Variants in OVOL2 observed in about 807,000 individuals in gnomAD.
The protein encoded by OVOL2 is transcription factor Ovo-like 2.
Under a neutral mutation model 18.1 loss-of-function variants are expected in OVOL2, and 13 were observed. The observed-to-expected ratio is 0.72, with a 90% confidence interval of 0.47 to 1.14. The LOEUF is 1.14. Among genes scored for constraint, OVOL2 ranks in the 50% most tolerant of loss-of-function variants. The pLI, the probability that OVOL2 is intolerant of heterozygous loss-of-function variation, is 0.00. For missense variants in OVOL2, 335 were observed against 383.0 expected (o/e 0.87, Z 1.05); for synonymous variants, 166 against 162.7 (o/e 1.02, Z -0.16).
chr20:18,049,375 T>C (rs982274674), intron 2 of OVOL2, among the ~76,000 whole-genome samples: 40 of 152,168 alleles, frequency 2.6e-4, no homozygotes, highest in Non-Finnish European at 5.9e-5. Context: ...CAACTTTTAT[T>C]TTCTGTTGAT....
upstream of OVOL2, chr20:18,057,959 T>C: frequency 9.6e-7 from 1 of 1,044,268 alleles, no homozygotes; most frequent in Non-Finnish European, 1.2e-6. This position sits in a 1 kb window ranked among gnomAD's most constrained non-coding sequence, Gnocchi z 6.3. Context: ...GTCAACAAGC[T>C]CGCTACCTGT....
intron 2 of OVOL2, among the ~76,000 whole-genome samples, chr20:18,051,168 G>A (rs547867741): frequency 8.2e-4 from 124 of 152,124 alleles, no homozygotes; most frequent in African/African-American, 2.5e-3. Context: ...TTCAGCCCAG[G>A]AGTTTGAGAC....
intron 2 of OVOL2, among the ~76,000 whole-genome samples, chr20:18,050,040 G>T (rs1346618609): frequency 6.6e-6 from 1 of 152,118 alleles, no homozygotes; most frequent in Non-Finnish European, 1.5e-5. Flanking sequence ...AACTTGCTGG[G>T]CTTAATTTTT....
chr20:18,027,154 C>A (rs2036527381), intron 3 of OVOL2, among the ~76,000 whole-genome samples: 1 of 151,864 alleles, frequency 6.6e-6, no homozygotes, highest in South Asian at 2.1e-4. Flanking sequence ...CAGAAGCAAG[C>A]ACACTAAGCA....
Position 18,049,551 on chromosome 20 carries a change from T to TCCC in OVOL2, c.321+7103_321+7105dup, listed in dbSNP as rs11472784. Among the ~76,000 whole-genome samples, 345 of 149,634 alleles carry TCCC rather than the reference T, an allele frequency of 2.3e-3. 1 individual carries two copies. Among genetic ancestry groups the TCCC allele is most frequent in the South Asian group, 5.6e-3 (26 of 4,676 alleles). ...TCCCCAATTCGTTTGGCATTCAGAT[T>TCCC]CCCCCCCCGATCCTATGTACCATTT... is the stretch of plus-strand genomic sequence containing the variant. On this transcript the variant is annotated intron_variant, in intron 2 of 3. Coordinates refer to ENST00000278780, the MANE Select transcript of OVOL2 (RefSeq NM_021220.4).
intron 2 of OVOL2, among the ~76,000 whole-genome samples, chr20:18,053,223 T>C (rs904412412): frequency 2.6e-5 from 4 of 152,218 alleles, no homozygotes; most frequent in African/African-American, 9.6e-5. Flanking sequence ...ACTTGCTGTA[T>C]GTCACTGTCA....
intron 3 of OVOL2, among the ~76,000 whole-genome samples, chr20:18,035,919 T>C (rs1372802476): frequency 6.6e-6 from 1 of 152,184 alleles, no homozygotes; most frequent in African/African-American, 2.4e-5. Flanking sequence ...AAGAAACAGG[T>C]GAAATGAATT....
At chr20:18,037,426 A>G (rs1272155661) in intron 3 of OVOL2, among the ~76,000 whole-genome samples, 1 of 152,248 alleles carries the variant, frequency 6.6e-6, no homozygotes, top group Non-Finnish European at 1.5e-5. Flanking sequence ...GAGGCCTGGC[A>G]TGAAGGAGAG....
rs139391507 is a variant in OVOL2 at position 18,027,986 on chromosome 20, GT to G, written c.512-3035del. Among the ~76,000 whole-genome samples, 1,215 of 152,034 alleles carry G rather than the reference GT, an allele frequency of 8.0e-3. 16 individuals are homozygous for G. The highest frequency in any genetic ancestry group is 0.028 in the African/African-American group (1,151 of 41,450). On this transcript the variant is annotated intron_variant, in intron 3 of 3. Coordinates refer to ENST00000278780, the MANE Select transcript of OVOL2 (RefSeq NM_021220.4). ...TGGAAGTTGAGAGAGGGTGAATATG[GT>G]ACTGGGGGTGCATGGAGCATGAAGA...
chr20:18,031,969 C>T (rs910599671), intron 3 of OVOL2, among the ~76,000 whole-genome samples: 4 of 152,092 alleles, frequency 2.6e-5, no homozygotes, highest in Admixed American at 6.5e-5. Context: ...GAACTTTATC[C>T]GAAGGTGAAC....
Position 18,057,652 on chromosome 20 carries a change from C to A in OVOL2, c.-18G>T. ...TTGGGCATGGTGGGGTCCCCTCTCC[C>A]GACTGCGGCCCCCTCCTCCCGGCTG... On this transcript the variant is annotated 5_prime_UTR_variant, in exon 1 of 4. Coordinates refer to ENST00000278780, the MANE Select transcript of OVOL2 (RefSeq NM_021220.4). The surrounding 1 kb of genome is among the most constrained non-coding windows in gnomAD (Gnocchi z 6.3). The A allele has an allele frequency of 1.3e-6, 2 of 1,554,194 alleles. No homozygotes were observed. The highest frequency in any genetic ancestry group is 2.4e-5 in the South Asian group (2 of 84,688).
At chr20:18,058,554 C>T (rs185982991), upstream of OVOL2, among the ~76,000 whole-genome samples, 22 of 151,822 alleles carry the variant, frequency 1.4e-4, no homozygotes, top group African/African-American at 4.4e-4. Flanking sequence ...CCCCCGAGAG[C>T]CCCCTCACCC....
intron 2 of OVOL2, among the ~76,000 whole-genome samples, chr20:18,047,827 C>CT (rs1555795942): frequency 2.4e-5 from 3 of 124,620 alleles, no homozygotes; most frequent in East Asian, 2.4e-4. Context: ...GCACTCCAGC[C>CT]CAGGCGACAG....
intron 2 of OVOL2, among the ~76,000 whole-genome samples, chr20:18,046,110 T>C (rs6132023): frequency 0.2 from 30,114 of 152,118 alleles, 3,246 homozygotes; most frequent in Non-Finnish European, 0.25. Context: ...TGAAAGAAGA[T>C]GTAAGGTTAT....
chr20:18,025,925 C>T (rs2122684438), intron 3 of OVOL2, among the ~76,000 whole-genome samples: 1 of 152,398 alleles, frequency 6.6e-6, no homozygotes, highest in East Asian at 1.9e-4. Context: ...GGGAACCCCT[C>T]AGGCAGAGGT....
At chr20:18,032,279 A>AGAAAG (rs1286132663) in intron 3 of OVOL2, among the ~76,000 whole-genome samples, 13 of 151,278 alleles carry the variant, frequency 8.6e-5, no homozygotes, top group Admixed American at 8.6e-4. Flanking sequence ...AGAGAAAGAA[A>AGAAAG]GAAAGGAAAG....
chr20:18,029,145 G>C (rs1314878220), intron 3 of OVOL2, among the ~76,000 whole-genome samples: 5 of 152,112 alleles, frequency 3.3e-5, no homozygotes, highest in Admixed American at 3.3e-4. Flanking sequence ...TCCTGCCTCA[G>C]CCTCCCTAGT....
At chr20:18,027,181 A>G (rs528789497) in intron 3 of OVOL2, among the ~76,000 whole-genome samples, 2 of 152,194 alleles carry the variant, frequency 1.3e-5, no homozygotes, top group East Asian at 3.9e-4. Context: ...CACATGACAG[A>G]TTCTAGGAAA....
At chr20:18,047,501 ACT>A (rs1194097524) in intron 2 of OVOL2, among the ~76,000 whole-genome samples, 2 of 144,322 alleles carry the variant, frequency 1.4e-5, no homozygotes, top group Non-Finnish European at 3.0e-5. Context: ...CAAGACTGTA[ACT>A]CTGTCTCAAA....
Sources: allele counts gnomAD v4.1 joint callset (sites outside exome capture counted in the v4.1 genomes callset), GRCh38; gene constraint gnomAD v4.1.1; non-coding constraint Gnocchi (gnomAD v3.1); transcripts MANE v1.5; gene names NCBI Gene and HGNC (gene_info 2026-07-23, HGNC 2026-07-21).